Variants in DCAF12 observed in about 807,000 individuals in gnomAD.
DCAF12 encodes DDB1- and CUL4-associated factor 12.
Under a neutral mutation model 52.8 loss-of-function variants are expected in DCAF12, and 28 were observed. The ratio of observed to expected loss-of-function variants is 0.53; its 90% CI spans 0.39 to 0.73. The LOEUF (loss-of-function observed/expected upper bound fraction) is 0.73, where lower values mean the gene tolerates loss of function less well. Among genes scored for constraint, DCAF12 ranks in the 30% least tolerant of loss-of-function variants. The pLI, the probability that DCAF12 is intolerant of heterozygous loss-of-function variation, is 0.00. For synonymous variants in DCAF12, 196 were observed against 215.5 expected, an observed-to-expected ratio of 0.91 and a Z score of 0.79; for missense variants, 425 against 552.2, an observed-to-expected ratio of 0.77 and a Z score of 2.31.
At chr9:34,099,466 A>G (rs879908424) in intron 4 of DCAF12, among the ~76,000 whole-genome samples, 2 of 151,754 alleles carry the variant, frequency 1.3e-5, no homozygotes, top group African/African-American at 2.4e-5. Context: ...TCCTGACCTC[A>G]AGTGATCCAC....
intron 2 of DCAF12, chr9:34,109,703 G>A (rs1267595789): frequency 5.1e-6 from 1 of 196,588 alleles, no homozygotes; most frequent in Non-Finnish European, 1.1e-5. Context: ...AAGTGCAAGC[G>A]GGGGAATAGG....
At chr9:34,114,108 CA>C (rs34360829) in intron 2 of DCAF12, among the ~76,000 whole-genome samples, 17 of 144,232 alleles carry the variant, frequency 1.2e-4, no homozygotes, top group Non-Finnish European at 1.5e-4. Flanking sequence ...TACTCCGTCT[CA>C]AAAAAAAAAA....
chr9:34,119,669 C>CTCT (rs1022172258), intron 2 of DCAF12, among the ~76,000 whole-genome samples: 9 of 149,214 alleles, frequency 6.0e-5, no homozygotes, highest in Non-Finnish European at 1.0e-4. Context: ...CATTTTTAGG[C>CTCT]TCTTCTTTCA....
chr9:34,106,797 C>T (rs1050326455), intron 3 of DCAF12, among the ~76,000 whole-genome samples: 4 of 152,160 alleles, frequency 2.6e-5, no homozygotes, highest in African/African-American at 9.7e-5. Flanking sequence ...TAGACATCTA[C>T]ATGGCTTGTA....
chr9:34,113,423 C>T (rs1829037087), intron 2 of DCAF12, among the ~76,000 whole-genome samples: 1 of 151,968 alleles, frequency 6.6e-6, no homozygotes, highest in African/African-American at 2.4e-5. Flanking sequence ...GTGGCGTGAT[C>T]TTGGCTCCCG....
rs988268475 is a variant in DCAF12 at position 34,126,396 on chromosome 9, C to A, written c.36G>T (p.Ala12=). ...ARKVVSRKRK[A]PASPGAGSDA... ...CGCTCCCAGCTCCCGGCGAGGCGGG[C>A]GCTTTCCGCTTCCTGCTAACTACTT... The change falls in exon 1 of 9, where the codon GCG becomes GCT. Residue 12 remains alanine, a synonymous_variant. Transcript: ENST00000361264. 1.1e-5 allele frequency: 18 copies of A among 1,610,258 alleles called. No individual in the cohort carries two copies. Among genetic ancestry groups the A allele is most frequent in the Non-Finnish European group, 1.4e-5 (17 of 1,179,704 alleles).
intron 4 of DCAF12, among the ~76,000 whole-genome samples, chr9:34,102,490 G>GTC (rs1035490056): frequency 1.1e-4 from 17 of 151,758 alleles, no homozygotes; most frequent in African/African-American, 4.1e-4. Context: ...GTGAAACCCT[G>GTC]TCTCTACTAA....
intron 6 of DCAF12, among the ~76,000 whole-genome samples, chr9:34,095,122 T>A (rs1828715351): frequency 6.6e-6 from 1 of 151,848 alleles, no homozygotes; most frequent in Non-Finnish European, 1.5e-5. Flanking sequence ...GTTGCCAGGC[T>A]GGAGTGCAGT....
Position 34,089,505 on chromosome 9 carries a change from C to G in DCAF12, c.1110G>C (p.Gln370His), listed in dbSNP as rs547402313. Reference protein sequence around the residue: ...GSLLFYDIRAQRFLEERLSAC... With the variant: ...GSLLFYDIRAHRFLEERLSAC... ...CTGAGAGCCTCTCTTCCAGAAATCT[C>G]TGAGCTCGGATGTCATAGAACAGCA... The change falls in exon 8 of 9, where the codon CAG (glutamine) becomes CAC (histidine). Residue 370 changes from glutamine to histidine, a missense_variant. Physicochemically the swap from Gln to His is conservative, Grantham distance 24. Coordinates refer to ENST00000361264, the MANE Select transcript of DCAF12 (RefSeq NM_015397.4). 1.2e-6 allele frequency: 2 copies of G among 1,614,180 alleles called. No individual in the cohort carries two copies. Among genetic ancestry groups the G allele is most frequent in the South Asian group, 1.1e-5 (1 of 91,084 alleles).
intron 2 of DCAF12, among the ~76,000 whole-genome samples, chr9:34,108,829 A>ATATATATG (rs1382211534): frequency 8.2e-5 from 12 of 146,968 alleles, no homozygotes; most frequent in Non-Finnish European, 1.4e-4. Context: ...ATATATATAT[A>ATATATATG]TGAATGAGGT....
chr9:34,093,140 C>G, intron 7 of DCAF12, 146 bp downstream of exon 7: 1 of 1,059,432 alleles, frequency 9.4e-7, no homozygotes, highest in Non-Finnish European at 1.3e-6. Context: ...TAAGCCACCA[C>G]GCCTAGCCAT....
Position 34,126,466 on chromosome 9 carries a change from G to C in DCAF12, c.-35C>G. On this transcript the variant is annotated 5_prime_UTR_variant, in exon 1 of 9. Transcript: ENST00000361264. ...CGCCGCCGCGGCCCCGCAGCCACATGGGGCGGGGGAAGCGAAGGATAGCAG... is the reference window on the plus strand; with the variant it reads ...CGCCGCCGCGGCCCCGCAGCCACATCGGGCGGGGGAAGCGAAGGATAGCAG... The C allele has an allele frequency of 1.3e-6, 2 of 1,595,130 alleles. No homozygotes were observed. Among genetic ancestry groups the C allele is most frequent in the Non-Finnish European group, 1.7e-6 (2 of 1,176,308 alleles).
chr9:34,103,849 C>G (rs1029620254), intron 4 of DCAF12, among the ~76,000 whole-genome samples: 2 of 152,000 alleles, frequency 1.3e-5, no homozygotes, highest in Non-Finnish European at 2.9e-5. Context: ...TCAACAACAA[C>G]AACAGTAACA....
chr9:34,095,368 A>AG (rs1828719053), intron 6 of DCAF12, among the ~76,000 whole-genome samples: 2 of 122,992 alleles, frequency 1.6e-5, no homozygotes, highest in South Asian at 5.5e-4. Context: ...CCACCGCGCC[A>AG]GGCCTTTTTT....
At chr9:34,123,802 T>C (rs1387234096) in intron 2 of DCAF12, among the ~76,000 whole-genome samples, 1 of 152,012 alleles carries the variant, frequency 6.6e-6, no homozygotes, top group East Asian at 1.9e-4. Context: ...GAGACTCTTT[T>C]TCTACTCCAA....
intron 6 of DCAF12, chr9:34,095,906 T>C (rs948421444): frequency 9.9e-5 from 15 of 152,188 alleles, no homozygotes; most frequent in African/African-American, 3.4e-4. Context: ...TGAGGAGGAC[T>C]GCTAGTCAAA....
Position 34,098,409 on chromosome 9 carries a change from T to C in DCAF12, c.710A>G (p.His237Arg). 1.2e-6 allele frequency: 2 copies of C among 1,614,240 alleles called. No homozygotes were observed. The highest frequency in any genetic ancestry group is 1.7e-6 in the Non-Finnish European group (2 of 1,180,040). Residue 237 changes from histidine to arginine, a missense_variant, in exon 5 of 9, where the codon CAC becomes CGC. Transcript: ENST00000361264. The stretch of plus-strand genomic sequence containing the variant: ...TTTGGGGATGTCCTTTAAGGCCTTG[T>C]GAGTGATGTGTGCATACACAGGGAC... The part of the protein sequence containing the change: ...SRVPVYAHIT[H>R]KALKDIPKED...
intron 5 of DCAF12, 57 bp from the exon 6 acceptor site, chr9:34,096,838 A>G: frequency 6.6e-7 from 1 of 1,521,268 alleles, no homozygotes; most frequent in Non-Finnish European, 9.1e-7. Flanking sequence ...AATGTACGAT[A>G]ATAAGCAGGC....
At position 34,125,007 on chromosome 9, in the gene DCAF12, C is replaced by A. The variant is rs201474188; in HGVS notation, c.333+16G>T. The A allele has an allele frequency of 6.2e-7, 1 of 1,611,528 alleles. No homozygotes were observed. Among genetic ancestry groups the A allele is most frequent in the African/African-American group, 1.3e-5 (1 of 74,830 alleles). ...CCACGACCTAGGAGAGAGGTCACAT[C>A]CCCCCAGGCACTTACCGTGTTGCAT... On this transcript the variant is annotated intron_variant, in intron 2 of 8. Transcript: ENST00000361264.
Sources: gnomAD v4.1 joint callset for allele counts (sites outside exome capture counted in the v4.1 genomes callset) on GRCh38, gnomAD v4.1.1 for gene constraint, MANE v1.5 for transcripts, NCBI Gene and HGNC (gene_info 2026-07-23, HGNC 2026-07-21) for gene names.